GPC5: variants seen among roughly 807,000 people sequenced by gnomAD.
GPC5 encodes the protein glypican 5.
GPC5 carries 47 observed loss-of-function variants against 53.9 expected under a neutral mutation model. The observed-to-expected ratio is 0.87, with a 90% CI of 0.69 to 1.11. GPC5 has a LOEUF of 1.11. Ranked by LOEUF, GPC5 falls within the 50% of genes most tolerant of loss-of-function variation. The pLI is 0.00. For synonymous variants in GPC5, 286 were observed against 263.3 expected (o/e 1.09, Z -0.84); for missense variants, 748 against 713.1 (o/e 1.05, Z -0.56).
chr13:91,924,211 A>G (rs1009153241), intron 6 of GPC5, among the ~76,000 whole-genome samples: 13 of 152,190 alleles, frequency 8.5e-5, no homozygotes, highest in Non-Finnish European at 1.3e-4. Flanking sequence ...AACATATCAA[A>G]GCAAGTTATT....
At chr13:91,493,540 A>G (rs578239909) in intron 2 of GPC5, among the ~76,000 whole-genome samples, 3 of 152,108 alleles carry the variant, frequency 2.0e-5, no homozygotes, top group Admixed American at 6.5e-5. Flanking sequence ...TCTACTGTCT[A>G]TCTCCATGAG....
At position 92,467,187 on chromosome 13, in the gene GPC5, TA is replaced by T. The variant is rs375850340; in HGVS notation, c.1561+322200del. ...AACATCATAAGACTGCTTAGAGAGCTAATAAGGACCTGGAAATATTTCACCT... is the reference window on the plus strand; with the variant it reads ...AACATCATAAGACTGCTTAGAGAGCTATAAGGACCTGGAAATATTTCACCT... On this transcript the variant is annotated intron_variant, in intron 7 of 7. Coordinates refer to ENST00000377067, the MANE Select transcript of GPC5 (RefSeq NM_004466.6). 7.2e-5 allele frequency among the ~76,000 whole-genome samples: 11 copies of T among 152,280 alleles called. No individual in the cohort carries two copies. The East Asian group carries it at 2.1e-3, about 29-fold the overall frequency.
intron 5 of GPC5, among the ~76,000 whole-genome samples, chr13:91,865,994 A>T (rs1481782298): frequency 6.6e-6 from 1 of 152,130 alleles, no homozygotes; most frequent in African/African-American, 2.4e-5. Context: ...CAGCCTCCCA[A>T]GTAGCTGGGA....
At chr13:92,609,873 A>G (rs1405200344) in intron 7 of GPC5, among the ~76,000 whole-genome samples, 1 of 151,978 alleles carries the variant, frequency 6.6e-6, no homozygotes, top group African/African-American at 2.4e-5. Flanking sequence ...TCTACTAAAA[A>G]TACAAAAATT....
At chr13:92,033,561 T>C (rs1165223179) in intron 6 of GPC5, among the ~76,000 whole-genome samples, 1 of 152,234 alleles carries the variant, frequency 6.6e-6, no homozygotes, top group East Asian at 1.9e-4. Context: ...GTACTGTACA[T>C]GATACAATCA....
chr13:91,489,461 A>G (rs1883807203), intron 2 of GPC5, among the ~76,000 whole-genome samples: 1 of 152,206 alleles, frequency 6.6e-6, no homozygotes, highest in South Asian at 2.1e-4. Context: ...GTCCTAAAAG[A>G]AAGATAGAAA....
intron 7 of GPC5, among the ~76,000 whole-genome samples, chr13:92,682,900 T>C (rs145941089): frequency 0.012 from 1,852 of 152,306 alleles, 23 homozygotes; most frequent in Middle Eastern, 0.058. Context: ...GTAGGGTTAA[T>C]ACTGAAATGC....
intron 7 of GPC5, among the ~76,000 whole-genome samples, chr13:92,736,686 A>G (rs1470382626): frequency 6.6e-6 from 1 of 151,754 alleles, no homozygotes; most frequent in Non-Finnish European, 1.5e-5. Flanking sequence ...GTTTACCACA[A>G]TCTTTTTATT....
chr13:92,629,305 G>T (rs1162079136), intron 7 of GPC5, among the ~76,000 whole-genome samples: 1 of 152,214 alleles, frequency 6.6e-6, no homozygotes, highest in Non-Finnish European at 1.5e-5. Context: ...ACTGGAGGAA[G>T]ACAAGGGTGT....
Position 92,657,904 on chromosome 13 carries a change from C to G in GPC5, c.1562-208378C>G, listed in dbSNP as rs540097001. Among the ~76,000 whole-genome samples, 23 of 152,014 alleles carry G rather than the reference C, an allele frequency of 1.5e-4. No individual in the cohort carries two copies. In the South Asian group the frequency reaches 4.8e-3, roughly 32 times the overall value. On this transcript the variant is annotated intron_variant, in intron 7 of 7. Coordinates refer to ENST00000377067, the MANE Select transcript of GPC5 (RefSeq NM_004466.6). Reference sequence around the variant, plus strand: ...AGTTGAGATCATCTGAATTGCTTTTCTATTTTTCTATTTTTTTGCAACTGG... The same window carrying G: ...AGTTGAGATCATCTGAATTGCTTTTGTATTTTTCTATTTTTTTGCAACTGG...
At chr13:91,762,450 A>T (rs947240975) in intron 5 of GPC5, among the ~76,000 whole-genome samples, 6 of 151,954 alleles carry the variant, frequency 3.9e-5, no homozygotes, top group Non-Finnish European at 8.8e-5. Flanking sequence ...TTTGAACTTC[A>T]TTTTAAAAAC....
chr13:91,763,234 A>G (rs2037451867), intron 5 of GPC5, among the ~76,000 whole-genome samples: 4 of 152,186 alleles, frequency 2.6e-5, no homozygotes, highest in Admixed American at 2.6e-4. Context: ...GAATCATACA[A>G]GTTACAATCT....
intron 2 of GPC5, among the ~76,000 whole-genome samples, chr13:91,678,737 G>GTTT (rs72106700): frequency 8.0e-4 from 115 of 144,530 alleles, no homozygotes; most frequent in African/African-American, 2.8e-3. Flanking sequence ...AGGAGTTTTT[G>GTTT]TTTTTTTTTT....
intron 2 of GPC5, among the ~76,000 whole-genome samples, chr13:91,649,604 T>A (rs904457003): frequency 4.6e-5 from 7 of 152,204 alleles, no homozygotes; most frequent in African/African-American, 1.7e-4. Flanking sequence ...AAAACAGGAC[T>A]TATATTTGCA....
In GPC5 at chr13:92,431,715, G is replaced by C. The variant is rs149864943; in HGVS notation, c.1561+286726G>C. Among the ~76,000 whole-genome samples, 200 of 152,220 alleles carry C rather than the reference G, an allele frequency of 1.3e-3. 1 individual carries two copies. The highest frequency in any genetic ancestry group is 4.4e-3 in the African/African-American group (184 of 41,544). ...CATGCTAACATGATAACATGATCTT[G>C]ATTAGAGTAATCAAACAGATCACTC... is the stretch of plus-strand genomic sequence containing the variant. On this transcript the variant is annotated intron_variant, in intron 7 of 7. Coordinates refer to ENST00000377067, the MANE Select transcript of GPC5 (RefSeq NM_004466.6).
At chr13:92,077,438 C>G (rs1469864392) in intron 6 of GPC5, among the ~76,000 whole-genome samples, 3 of 152,030 alleles carry the variant, frequency 2.0e-5, no homozygotes, top group Non-Finnish European at 4.4e-5. Flanking sequence ...TGATCTGAGC[C>G]CTAATTCCTA....
intron 3 of GPC5, among the ~76,000 whole-genome samples, chr13:91,711,226 C>A (rs1490648026): frequency 2.0e-5 from 3 of 152,070 alleles, no homozygotes; most frequent in African/African-American, 7.2e-5. Context: ...GAATGATAGA[C>A]TGGATTAAGA....
At chr13:92,553,921 G>A (rs1172990294) in intron 7 of GPC5, among the ~76,000 whole-genome samples, 3 of 151,840 alleles carry the variant, frequency 2.0e-5, no homozygotes, top group Non-Finnish European at 4.4e-5. Flanking sequence ...ATTTATGATG[G>A]TGTCATTTGA....
chr13:92,183,361 CT>C (rs113419496), intron 7 of GPC5, among the ~76,000 whole-genome samples: 5,649 of 152,024 alleles, frequency 0.037, 361 homozygotes, highest in African/African-American at 0.13. Context: ...AGGTCAGCTG[CT>C]TTTTTTCTTT....
Sources: allele counts gnomAD v4.1 joint callset (sites outside exome capture counted in the v4.1 genomes callset), GRCh38; gene constraint gnomAD v4.1.1; transcripts MANE v1.5; gene names NCBI Gene and HGNC (gene_info 2026-07-23, HGNC 2026-07-21).